CNTNAP2: variants seen among roughly 807,000 people sequenced by gnomAD.
The protein encoded by CNTNAP2 is contactin-associated protein-like 2.
A neutral mutation model predicts 155.2 loss-of-function variants in CNTNAP2; 98 were observed. The observed-to-expected ratio is 0.63, with a 90% CI of 0.54 to 0.75. The LOEUF is 0.75. Ranked by LOEUF, CNTNAP2 falls within the 30% of genes least tolerant of loss-of-function variation. The probability of loss-of-function intolerance (pLI) is 0.00; values close to 1 mark genes in which losing one functional copy is unlikely to be tolerated. For missense variants in CNTNAP2, 1,727 were observed against 1,688.1 expected, an observed-to-expected ratio of 1.02 and a Z score of -0.40; for synonymous variants, 651 against 631.2, an observed-to-expected ratio of 1.03 and a Z score of -0.47.
At chr7:146,767,087 A>G (rs547824227) in intron 1 of CNTNAP2, among the ~76,000 whole-genome samples, 106 of 152,296 alleles carry the variant, frequency 7.0e-4, no homozygotes, top group African/African-American at 2.5e-3. Flanking sequence ...GCAATTGATG[A>G]CAAACTAATT....
chr7:147,796,787 A>T (rs1797902909), intron 13 of CNTNAP2, among the ~76,000 whole-genome samples: 1 of 152,148 alleles, frequency 6.6e-6, no homozygotes, highest in Admixed American at 6.6e-5. Flanking sequence ...ATTAGTCTGT[A>T]AAAGCTTCGT....
rs187576538 is a variant in CNTNAP2 at position 146,242,365 on chromosome 7, C to T, written c.97+125392C>T. Among the ~76,000 whole-genome samples, 333 of 152,050 alleles carry T rather than the reference C, an allele frequency of 2.2e-3. 2 individuals carry two copies. Among genetic ancestry groups the T allele is most frequent in the African/African-American group, 7.8e-3 (324 of 41,476 alleles). ...CCAGCCTGGCCAACATGGTGAAACC[C>T]CGTCTCTACTAAAATACAAAAATAT... On this transcript the variant is annotated intron_variant, in intron 1 of 23. Coordinates refer to ENST00000361727, the MANE Select transcript of CNTNAP2 (RefSeq NM_014141.6).
At chr7:147,345,173 T>C (rs1355440892) in intron 9 of CNTNAP2, among the ~76,000 whole-genome samples, 1 of 152,138 alleles carries the variant, frequency 6.6e-6, no homozygotes. Context: ...CGCTGAATTA[T>C]AAAACAACTG....
intron 9 of CNTNAP2, among the ~76,000 whole-genome samples, chr7:147,316,562 A>C (rs1795237092): frequency 6.6e-6 from 1 of 152,224 alleles, no homozygotes; most frequent in Non-Finnish European, 1.5e-5. Context: ...TGATACAATA[A>C]GGTTAGCCCT....
At chr7:146,627,619 C>T (rs1037228908) in intron 1 of CNTNAP2, among the ~76,000 whole-genome samples, 1 of 152,004 alleles carries the variant, frequency 6.6e-6, no homozygotes, top group Non-Finnish European at 1.5e-5. Context: ...TTAATTTTAA[C>T]TCAGGGAACT....
At chr7:146,882,974 T>C (rs963780261) in intron 3 of CNTNAP2, among the ~76,000 whole-genome samples, 1 of 152,206 alleles carries the variant, frequency 6.6e-6, no homozygotes, top group African/African-American at 2.4e-5. Flanking sequence ...ATCAATATTG[T>C]TAAAATGACC....
chr7:147,507,509 T>C (rs547021141), intron 11 of CNTNAP2, among the ~76,000 whole-genome samples: 1 of 151,452 alleles, frequency 6.6e-6, no homozygotes, highest in South Asian at 2.1e-4. Flanking sequence ...CTTATATAAA[T>C]GGGACATCTA....
intron 1 of CNTNAP2, among the ~76,000 whole-genome samples, chr7:146,282,049 G>A (rs1800260739): frequency 1.3e-5 from 2 of 152,082 alleles, no homozygotes; most frequent in Non-Finnish European, 2.9e-5. Flanking sequence ...AAAGGAAGAG[G>A]AGAAAGAAAA....
intron 1 of CNTNAP2, among the ~76,000 whole-genome samples, chr7:146,353,982 G>T (rs777647619): frequency 1.3e-5 from 2 of 151,930 alleles, no homozygotes; most frequent in Middle Eastern, 3.2e-3. Flanking sequence ...ATTTATTAAC[G>T]TTAGCTAAGT....
At chr7:148,327,986 G>C (rs1797921442) in intron 21 of CNTNAP2, among the ~76,000 whole-genome samples, 1 of 152,284 alleles carries the variant, frequency 6.6e-6, no homozygotes, top group Middle Eastern at 3.4e-3. Context: ...AAGGTAGTTA[G>C]GGCCTTGGAA....
At chr7:146,819,919 A>G (rs1803244513) in intron 2 of CNTNAP2, among the ~76,000 whole-genome samples, 1 of 152,072 alleles carries the variant, frequency 6.6e-6, no homozygotes, top group South Asian at 2.1e-4. Context: ...TGATACATCC[A>G]CCTCAGGCCA....
At chr7:148,208,617 G>A (rs1795493613) in intron 18 of CNTNAP2, among the ~76,000 whole-genome samples, 1 of 152,146 alleles carries the variant, frequency 6.6e-6, no homozygotes, top group Non-Finnish European at 1.5e-5. Flanking sequence ...GAAGTGGTCT[G>A]TTCACTTTGG....
At chr7:146,666,422 C>T (rs936857685) in intron 1 of CNTNAP2, among the ~76,000 whole-genome samples, 17 of 152,074 alleles carry the variant, frequency 1.1e-4, no homozygotes, top group African/African-American at 3.1e-4. Context: ...AAGTTGATTC[C>T]GTATCTTGGC....
chr7:146,346,964 T>G (rs1794827779), intron 1 of CNTNAP2, among the ~76,000 whole-genome samples: 1 of 151,744 alleles, frequency 6.6e-6, no homozygotes, highest in African/African-American at 2.4e-5. Context: ...TGGAGCCCCC[T>G]TCTGGGCAAG....
At chr7:147,469,673 C>T (rs1798181970) in intron 10 of CNTNAP2, among the ~76,000 whole-genome samples, 1 of 151,962 alleles carries the variant, frequency 6.6e-6, no homozygotes, top group South Asian at 2.1e-4. Context: ...CGCCCGCCAC[C>T]ACGCCTGGCT....
chr7:147,108,542 A>G (rs544818293), intron 5 of CNTNAP2, among the ~76,000 whole-genome samples, 192 bp downstream of exon 5: 4 of 152,310 alleles, frequency 2.6e-5, no homozygotes, highest in South Asian at 4.1e-4. Context: ...AAACACCTCT[A>G]CTATACAAGT....
intron 8 of CNTNAP2, among the ~76,000 whole-genome samples, chr7:147,248,054 G>A (rs1402560114): frequency 6.6e-6 from 1 of 151,408 alleles, no homozygotes; most frequent in Non-Finnish European, 1.5e-5. Context: ...GAAGTGGGAG[G>A]GCGTATCCAC....
chr7:146,173,176 CTTTATA>C (rs1798419351), intron 1 of CNTNAP2, among the ~76,000 whole-genome samples: 1 of 151,956 alleles, frequency 6.6e-6, no homozygotes, highest in Non-Finnish European at 1.5e-5. Flanking sequence ...GTGCAGAGAA[CTTTATA>C]TTTAGTTTTA....
intron 14 of CNTNAP2, among the ~76,000 whole-genome samples, chr7:147,927,781 A>C (rs2116793000): frequency 6.6e-6 from 1 of 152,326 alleles, no homozygotes; most frequent in South Asian, 2.1e-4. Context: ...AAGTTAGAAA[A>C]CCACCAATTT....
Sources: allele counts gnomAD v4.1 joint callset (sites outside exome capture counted in the v4.1 genomes callset), GRCh38; gene constraint gnomAD v4.1.1; transcripts MANE v1.5; gene names NCBI Gene and HGNC (gene_info 2026-07-23, HGNC 2026-07-21).